The following ACYP2 variants were observed in gnomAD, a reference collection of about 807,000 sequenced individuals.
ACYP2 encodes acylphosphatase 2.
A neutral mutation model predicts 11.2 loss-of-function variants in ACYP2; 12 were observed. The observed-to-expected ratio is 1.08, with a 90% CI of 0.69 to 1.74. The LOEUF (loss-of-function observed/expected upper bound fraction) is 1.74. Among genes scored for constraint, ACYP2 ranks in the 40% most tolerant of loss-of-function variants. ACYP2 has a pLI of 0.00. For synonymous variants in ACYP2, 43 were observed against 32.2 expected, an observed-to-expected ratio of 1.33 and a Z score of -1.13; for missense variants, 134 against 101.9, an observed-to-expected ratio of 1.31 and a Z score of -1.35.
At chr2:54,079,560 A>G in intron 4 of ACYP2, among the ~76,000 whole-genome samples, 1 of 152,186 alleles carries the variant, frequency 6.6e-6, no homozygotes, top group Non-Finnish European at 1.5e-5. Flanking sequence ...TGTCACTGTC[A>G]AAAAGGCAGC....
chr2:54,049,844 T>C (rs990478544), intron 2 of ACYP2, among the ~76,000 whole-genome samples: 4 of 152,224 alleles, frequency 2.6e-5, no homozygotes, highest in Non-Finnish European at 4.4e-5. Context: ...CCTGGCACTA[T>C]ACTTACTTTT....
chr2:54,203,644 T>A (rs1191868348), intron 6 of ACYP2, among the ~76,000 whole-genome samples: 1 of 152,186 alleles, frequency 6.6e-6, no homozygotes, highest in East Asian at 1.9e-4. Context: ...ACTAAATTGT[T>A]GAGTGGTTTT....
chr2:53,977,517 G>A (rs893396832), intron 2 of ACYP2, among the ~76,000 whole-genome samples: 5 of 151,038 alleles, frequency 3.3e-5, no homozygotes, highest in Admixed American at 6.6e-5. Flanking sequence ...GGCAGATCAC[G>A]AGGTCAAGAG....
At chr2:54,233,054 T>C (rs926035374) in intron 6 of ACYP2, among the ~76,000 whole-genome samples, 1 of 152,152 alleles carries the variant, frequency 6.6e-6, no homozygotes, top group South Asian at 2.1e-4. Context: ...TTTTTTTTTT[T>C]AATCATGAAT....
At chr2:54,137,562 T>G (rs1333871834) in intron 5 of ACYP2, among the ~76,000 whole-genome samples, 1 of 152,218 alleles carries the variant, frequency 6.6e-6, no homozygotes, top group Non-Finnish European at 1.5e-5. Flanking sequence ...GTTAGTTTGC[T>G]AAGGATAATG....
At chr2:54,174,909 T>C (rs889397651) in intron 6 of ACYP2, among the ~76,000 whole-genome samples, 7 of 152,212 alleles carry the variant, frequency 4.6e-5, no homozygotes, top group South Asian at 2.1e-4. Flanking sequence ...AGATTTTTGA[T>C]GTGCTGCTGG....
intron 6 of ACYP2, among the ~76,000 whole-genome samples, chr2:54,191,102 G>A (rs1684219547): frequency 6.6e-6 from 1 of 151,780 alleles, no homozygotes; most frequent in African/African-American, 2.4e-5. Context: ...ACTCTCTTCT[G>A]AGACTATTGC....
At chr2:54,240,983 CT>C (rs1446534535) in intron 6 of ACYP2, among the ~76,000 whole-genome samples, 1 of 152,090 alleles carries the variant, frequency 6.6e-6, no homozygotes, top group Admixed American at 6.5e-5. Context: ...CTTTATTTTT[CT>C]TGGTAAAGTC....
intron 2 of ACYP2, among the ~76,000 whole-genome samples, chr2:54,012,545 A>G (rs1673430941): frequency 6.6e-6 from 1 of 152,050 alleles, no homozygotes; most frequent in African/African-American, 2.4e-5. Flanking sequence ...AGCATTTTGT[A>G]TTTGTCTCTC....
intron 6 of ACYP2, among the ~76,000 whole-genome samples, chr2:54,201,723 T>C (rs1310968353): frequency 6.6e-6 from 1 of 150,726 alleles, no homozygotes; most frequent in Non-Finnish European, 1.5e-5. Flanking sequence ...TTCTTTCTTC[T>C]TTTTTTGAGA....
chr2:54,238,796 C>T (rs1686609343), intron 6 of ACYP2, among the ~76,000 whole-genome samples: 1 of 151,572 alleles, frequency 6.6e-6, no homozygotes, highest in East Asian at 1.9e-4. Context: ...ATTGTGATTG[C>T]ACATGAAAAT....
At chr2:54,156,930 A>T (rs1229368600) in intron 6 of ACYP2, among the ~76,000 whole-genome samples, 1 of 152,162 alleles carries the variant, frequency 6.6e-6, no homozygotes, top group African/African-American at 2.4e-5. Flanking sequence ...GGCCTCCCAA[A>T]GTGCTGGGAT....
intron 2 of ACYP2, among the ~76,000 whole-genome samples, chr2:53,983,176 A>G (rs1212080453): frequency 6.6e-6 from 1 of 152,134 alleles, no homozygotes; most frequent in Non-Finnish European, 1.5e-5. Flanking sequence ...TGATGAATGA[A>G]GACTTGTGGA....
chr2:54,136,367 C>CA (rs1198788136), intron 5 of ACYP2, among the ~76,000 whole-genome samples: 1 of 152,050 alleles, frequency 6.6e-6, no homozygotes, highest in African/African-American at 2.4e-5. Flanking sequence ...TCCTTTCCTA[C>CA]AACTTAATTG....
In ACYP2 at chr2:54,172,756, C is replaced by G. The variant is rs555395975; in HGVS notation, c.404+34008C>G. ...GTTCCCTGCCCTGTGTCCATGTGTT[C>G]TTACTGTTCCATTCCCACCTATGAG... On this transcript the variant is annotated intron_variant, in intron 6 of 6. Coordinates refer to ENST00000607452, the MANE Select transcript of ACYP2 (RefSeq NM_001320586.2). Among the ~76,000 whole-genome samples, 10 of 152,288 alleles carry G rather than the reference C, an allele frequency of 6.6e-5. 1 individual carries two copies. Among genetic ancestry groups the G allele is most frequent in the African/African-American group, 2.4e-4 (10 of 41,544 alleles).
rs145935317 is a variant in ACYP2, at chr2:54,004,108, C to T, written c.62+30298C>T. ...AAACGATTCTCCTGACTCAGCCTCC[C>T]GAGCAGCTGGGACCACAGACATGCG... is the stretch of plus-strand genomic sequence containing the variant. On this transcript the variant is annotated intron_variant, in intron 2 of 6. Coordinates refer to ENST00000607452, the MANE Select transcript of ACYP2 (RefSeq NM_001320586.2). Among the ~76,000 whole-genome samples, 548 of 152,130 alleles carry T rather than the reference C, an allele frequency of 3.6e-3. 5 individuals carry two copies. Among genetic ancestry groups the T allele is most frequent in the African/African-American group, 0.012 (508 of 41,514 alleles).
chr2:54,156,513 G>C (rs1461909488), intron 6 of ACYP2, among the ~76,000 whole-genome samples: 1 of 152,136 alleles, frequency 6.6e-6, no homozygotes, highest in African/African-American at 2.4e-5. Context: ...AACATGCAGT[G>C]TTTGGTTTTC....
intron 3 of ACYP2, among the ~76,000 whole-genome samples, chr2:54,052,005 C>T (rs1675890053): frequency 6.6e-6 from 1 of 151,506 alleles, no homozygotes; most frequent in Non-Finnish European, 1.5e-5. Context: ...CAAGATCGCA[C>T]CATTGCACTG....
chr2:54,219,586 A>G (rs1418516859), intron 6 of ACYP2, among the ~76,000 whole-genome samples: 1 of 152,128 alleles, frequency 6.6e-6, no homozygotes, highest in Non-Finnish European at 1.5e-5. Flanking sequence ...CACTAATGTT[A>G]TATCTCCTAC....
Sources: allele counts gnomAD v4.1 joint callset (sites outside exome capture counted in the v4.1 genomes callset), GRCh38; gene constraint gnomAD v4.1.1; transcripts MANE v1.5; gene names NCBI Gene and HGNC (gene_info 2026-07-23, HGNC 2026-07-21).